The following SHROOM2 variants were observed in gnomAD, a reference collection of about 807,000 sequenced individuals.
SHROOM2 encodes the protein protein Shroom2.
Under a neutral mutation model 75.9 loss-of-function variants are expected in SHROOM2, and 33 were observed. That is an observed-to-expected ratio of 0.43 (90% CI 0.33 to 0.58). SHROOM2 has a LOEUF of 0.58. SHROOM2 is among the 20% of genes least tolerant of loss of function. The pLI, the probability that SHROOM2 is intolerant of heterozygous loss-of-function variation, is 0.04. For synonymous variants in SHROOM2, 655 were observed against 663.6 expected (o/e 0.99, Z 0.20); for missense variants, 1,434 against 1,461.2 (o/e 0.98, Z 0.30).
At chrX:9,809,306 G>T (rs886193482) in intron 1 of SHROOM2, among the ~76,000 whole-genome samples, 3 of 111,228 alleles carry the variant, frequency 2.7e-5, no homozygotes, top group African/African-American at 9.8e-5. Flanking sequence ...ATGTAGGCTA[G>T]ACCAGTCTCT....
intron 1 of SHROOM2, among the ~76,000 whole-genome samples, chrX:9,866,279 A>G (rs5934708): frequency 0.55 from 58,709 of 107,002 alleles, 14,934 homozygotes; most frequent in Non-Finnish European, 0.78. Flanking sequence ...CGCCGAGCTC[A>G]ATAAATTAAG....
intron 5 of SHROOM2, among the ~76,000 whole-genome samples, chrX:9,929,078 A>G (rs180844156): frequency 2.1e-4 from 24 of 112,733 alleles, no homozygotes; most frequent in Non-Finnish European, 1.1e-4. Flanking sequence ...CAAGCACAAC[A>G]TGGACCACTC....
chrX:9,942,729 G>A (rs954965696), intron 8 of SHROOM2, among the ~76,000 whole-genome samples: 6 of 111,643 alleles, frequency 5.4e-5, no homozygotes, highest in Admixed American at 9.5e-5. Context: ...CTCCAGCCCC[G>A]TCTTCTTGGG....
At chrX:9,837,210 G>T (rs1232391698) in intron 1 of SHROOM2, among the ~76,000 whole-genome samples, 1 of 112,673 alleles carries the variant, frequency 8.9e-6, no homozygotes, top group Non-Finnish European at 1.9e-5. Flanking sequence ...GGCTCTGGAA[G>T]TGACCAGCTT....
rs192331706 is a variant in SHROOM2, at chrX:9,846,964, G to T, written c.166-26688G>T. 4.3e-4 allele frequency among the ~76,000 whole-genome samples: 48 copies of T among 112,386 alleles called. 1 individual carries two copies. The highest frequency in any genetic ancestry group is 4.3e-3 in the Admixed American group (45 of 10,578). ...ATGAAGGTTTGAGACGAGTCTCATAGGTGAAATCTGGGCTCTAAGACAGCC... is the reference window on the plus strand; with the variant it reads ...ATGAAGGTTTGAGACGAGTCTCATATGTGAAATCTGGGCTCTAAGACAGCC... On this transcript the variant is annotated intron_variant, in intron 1 of 9. Coordinates refer to ENST00000380913, the MANE Select transcript of SHROOM2 (RefSeq NM_001649.4).
intron 5 of SHROOM2, among the ~76,000 whole-genome samples, chrX:9,912,105 C>T (rs2084430952): frequency 1.8e-5 from 1 of 54,106 alleles, no homozygotes; most frequent in African/African-American, 8.5e-5. Context: ...ATCCTTTCTC[C>T]AAACACACAC....
chrX:9,914,325 T>C (rs990740968), intron 5 of SHROOM2, among the ~76,000 whole-genome samples: 5 of 109,640 alleles, frequency 4.6e-5, no homozygotes, highest in Non-Finnish European at 9.5e-5. Context: ...TGGCTGCTCT[T>C]CCAGAGTCCG....
chrX:9,803,413 C>T (rs947420375), intron 1 of SHROOM2, among the ~76,000 whole-genome samples: 5 of 111,894 alleles, frequency 4.5e-5, no homozygotes, highest in African/African-American at 1.6e-4. Flanking sequence ...ACACAGCAGC[C>T]TTGCTTTGCG....
intron 6 of SHROOM2, among the ~76,000 whole-genome samples, chrX:9,935,088 T>C (rs2084687963): frequency 9.0e-6 from 1 of 111,502 alleles, no homozygotes; most frequent in Admixed American, 9.6e-5. Flanking sequence ...CCCAATATTT[T>C]AAAACCTGTG....
chrX:9,836,396 C>G (rs768793463), intron 1 of SHROOM2, among the ~76,000 whole-genome samples: 2 of 110,403 alleles, frequency 1.8e-5, no homozygotes, highest in Non-Finnish European at 3.8e-5. Context: ...TTTCTGGGCC[C>G]GGTTTAGCAT....
At chrX:9,923,339 C>CA in intron 5 of SHROOM2, among the ~76,000 whole-genome samples, 1 of 111,348 alleles carries the variant, frequency 9.0e-6, no homozygotes, top group East Asian at 2.8e-4. Flanking sequence ...GGGGTGCACT[C>CA]AATCTTACCA....
rs780078570 is a variant in SHROOM2, at chrX:9,937,267, G to A, written c.3721G>A (p.Gly1241Arg). ...CGCCGAGCCACCTGCCCTGCCCCAC[G>A]GGCTGGAGAAAGACCAGATCAAGAC... ...CPAEPPALPH[G>R]LEKDQIKTLS... Residue 1241 changes from glycine to arginine, a missense_variant, in exon 7 of 10, where the codon GGG becomes AGG. Gly to Arg is a moderately radical substitution (Grantham distance 125, BLOSUM62 -2). Around this residue, in one of 3 missense-constraint regions of SHROOM2, gnomAD observed 1,340 missense variants for 1,338.3 expected, o/e 1.00. Transcript: ENST00000380913. 45 of 1,209,199 alleles carry A rather than the reference G, an allele frequency of 3.7e-5. No homozygotes were observed. The highest frequency in any genetic ancestry group is 1.5e-4 in the East Asian group (5 of 33,680).
At chrX:9,838,057 G>GTTTT (rs573554791) in intron 1 of SHROOM2, among the ~76,000 whole-genome samples, 10 of 75,767 alleles carry the variant, frequency 1.3e-4, no homozygotes, top group African/African-American at 4.6e-4. Context: ...TGTGTGTGTG[G>GTTTT]TTTTTTTTTT....
intron 1 of SHROOM2, among the ~76,000 whole-genome samples, chrX:9,810,107 A>G (rs1424278262): frequency 8.9e-6 from 1 of 112,504 alleles, no homozygotes; most frequent in Non-Finnish European, 1.9e-5. Context: ...ACTCATGACA[A>G]TTGCAGTCCC....
intron 5 of SHROOM2, among the ~76,000 whole-genome samples, chrX:9,904,081 G>A (rs1228906640): frequency 9.0e-6 from 1 of 111,366 alleles, no homozygotes; most frequent in Non-Finnish European, 1.9e-5. Flanking sequence ...CTCGTGTGGA[G>A]GGAGAAGTGT....
intron 1 of SHROOM2, among the ~76,000 whole-genome samples, chrX:9,822,716 T>G (rs1450057347): frequency 1.8e-5 from 2 of 112,335 alleles, no homozygotes; most frequent in East Asian, 5.7e-4. Flanking sequence ...CAGAAAGCTC[T>G]GCGGAGGGAA....
At chrX:9,832,528 C>G (rs1209305548) in intron 1 of SHROOM2, among the ~76,000 whole-genome samples, 2 of 111,824 alleles carry the variant, frequency 1.8e-5, no homozygotes, top group African/African-American at 6.5e-5. Flanking sequence ...GTGGCACATG[C>G]AGGCTTAGTA....
In SHROOM2 at chrX:9,946,906, TG is replaced by T; in HGVS notation, c.4822del (p.Asp1608ThrfsTer54). 8.4e-7 allele frequency: 1 copy of T among 1,197,428 alleles called. No individual in the cohort carries two copies. The highest frequency in any genetic ancestry group is 1.7e-5 in the African/African-American group (1 of 57,502). On this transcript the variant is annotated frameshift_variant, in exon 10 of 10. Transcript: ENST00000380913. LOFTEE classifies it high-confidence loss of function. Reference protein sequence around the residue: ...HLGEEQLKCLLDSLQPERGK With the variant: ...HLGEEQLKCLXDSLQPERGK The stretch of plus-strand genomic sequence containing the variant: ...GGTGAAGAGCAGCTGAAGTGCTTAT[TG>T]GACAGCCTTCAGCCCGAAAGGGGCA...
chrX:9,843,917 G>A lies in SHROOM2; in HGVS notation c.166-29735G>A, dbSNP rs7878517. On this transcript the variant is annotated intron_variant, in intron 1 of 9. Coordinates refer to ENST00000380913, the MANE Select transcript of SHROOM2 (RefSeq NM_001649.4). ...ACCACAGACCATTCTCATTACACAC[G>A]ATATGTTTTGTTTTTTAGTTTTGAT... Among the ~76,000 whole-genome samples, 599 of 112,489 alleles carry A rather than the reference G, an allele frequency of 5.3e-3. 3 individuals carry two copies. The highest frequency in any genetic ancestry group is 0.019 in the African/African-American group (574 of 30,976).
Sources: allele counts gnomAD v4.1 joint callset (sites outside exome capture counted in the v4.1 genomes callset), GRCh38; gene constraint gnomAD v4.1.1; regional missense constraint gnomAD v4.1.1; transcripts MANE v1.5; gene names NCBI Gene and HGNC (gene_info 2026-07-23, HGNC 2026-07-21).